The following OPCML variants were observed in gnomAD, a reference collection of about 807,000 sequenced individuals.
The protein encoded by OPCML is opioid binding protein/cell adhesion molecule like, also known as opioid-binding protein/cell adhesion molecule.
Under a neutral mutation model 37.8 loss-of-function variants are expected in OPCML, and 13 were observed. The ratio of observed to expected loss-of-function variants is 0.34; its 90% CI spans 0.22 to 0.55. OPCML has a LOEUF of 0.55. Among genes scored for constraint, OPCML ranks in the 20% least tolerant of loss-of-function variants. The pLI is 0.91. For synonymous variants in OPCML, 176 were observed against 168.8 expected (o/e 1.04, Z -0.33); for missense variants, 341 against 435.6 (o/e 0.78, Z 1.93).
intron 1 of OPCML, among the ~76,000 whole-genome samples, chr11:133,107,172 C>G (rs1949172605): frequency 6.6e-6 from 1 of 152,188 alleles, no homozygotes; most frequent in African/African-American, 2.4e-5. Flanking sequence ...GTGGGCCCTT[C>G]TGTAGTGTCA....
intron 1 of OPCML, among the ~76,000 whole-genome samples, chr11:133,467,570 G>T (rs1947004685): frequency 6.6e-6 from 1 of 152,064 alleles, no homozygotes; most frequent in Admixed American, 6.5e-5. Context: ...AATAAAGAAG[G>T]ATGGCCAGAG....
intron 1 of OPCML, among the ~76,000 whole-genome samples, chr11:133,383,412 T>C (rs1944973522): frequency 6.6e-6 from 1 of 152,102 alleles, no homozygotes. Flanking sequence ...AGCTGGTGAG[T>C]GTCTGAGTGA....
chr11:133,452,167 C>A (rs1445409406), intron 1 of OPCML, among the ~76,000 whole-genome samples: 2 of 151,250 alleles, frequency 1.3e-5, no homozygotes, highest in Non-Finnish European at 1.5e-5. Flanking sequence ...GAAGACCAAC[C>A]CCAAGACAAC....
chr11:132,915,553 T>A (rs1565960755), intron 2 of OPCML, among the ~76,000 whole-genome samples: 1 of 152,196 alleles, frequency 6.6e-6, no homozygotes, highest in Non-Finnish European at 1.5e-5. Flanking sequence ...AATCTCTAAT[T>A]TGTATAGATA....
intron 3 of OPCML, among the ~76,000 whole-genome samples, chr11:132,550,376 G>A (rs1489982412): frequency 1.3e-5 from 2 of 152,116 alleles, no homozygotes; most frequent in African/African-American, 4.8e-5. Flanking sequence ...TCATGATAGT[G>A]AGTGAGTTCT....
In OPCML at chr11:132,787,072, A is replaced by T. The variant is rs115736805; in HGVS notation, c.147-129753T>A. 3.3e-3 allele frequency among the ~76,000 whole-genome samples: 497 copies of T among 152,224 alleles called. 5 individuals carry two copies. The highest frequency in any genetic ancestry group is 0.011 in the African/African-American group (439 of 41,528). ...CTATAGGTCTAGGGTAAGGCCTGGG[A>T]ATTTGCGTTTCCAACAAGTTTTCAT... On this transcript the variant is annotated intron_variant, in intron 2 of 7. Coordinates refer to ENST00000524381, the MANE Select transcript of OPCML (RefSeq NM_001012393.5).
chr11:132,529,552 G>A (rs536706174), intron 3 of OPCML, among the ~76,000 whole-genome samples: 2 of 152,304 alleles, frequency 1.3e-5, no homozygotes, highest in African/African-American at 2.4e-5. Context: ...AGTGGCATAA[G>A]CTGATAACCA....
intron 2 of OPCML, among the ~76,000 whole-genome samples, chr11:132,748,415 C>T (rs149743582): frequency 1.4e-4 from 21 of 152,280 alleles, no homozygotes; most frequent in Non-Finnish European, 2.8e-4. Context: ...CAAAAGAGTG[C>T]CCAGCATCAT....
chr11:132,605,195 G>C (rs920358370), intron 3 of OPCML, among the ~76,000 whole-genome samples: 1 of 152,136 alleles, frequency 6.6e-6, no homozygotes, highest in Non-Finnish European at 1.5e-5. Context: ...TAGAGATAAT[G>C]CATGCAAATG....
chr11:132,965,173 T>A (rs1021152815), intron 1 of OPCML, among the ~76,000 whole-genome samples: 1 of 152,222 alleles, frequency 6.6e-6, no homozygotes, highest in Admixed American at 6.5e-5. Context: ...GGAAGTTTAT[T>A]CGTCCTCGCC....
chr11:133,117,660 A>G (rs1949357349), intron 1 of OPCML: 1 of 383,614 alleles, frequency 2.6e-6, no homozygotes, highest in Non-Finnish European at 3.6e-6. Flanking sequence ...AGATAATTTC[A>G]CTTGCCCTTG....
At chr11:132,739,018 C>T (rs1407526190) in intron 2 of OPCML, among the ~76,000 whole-genome samples, 2 of 151,864 alleles carry the variant, frequency 1.3e-5, no homozygotes, top group South Asian at 2.1e-4. Flanking sequence ...AGCACGTTTG[C>T]GTAAAAGCAG....
chr11:132,559,722 G>A (rs2096406312), intron 3 of OPCML, among the ~76,000 whole-genome samples: 1 of 152,102 alleles, frequency 6.6e-6, no homozygotes, highest in Non-Finnish European at 1.5e-5. Context: ...ATTTCAAGAA[G>A]ATAAGACGAA....
At chr11:132,899,584 G>A (rs1012016232) in intron 2 of OPCML, among the ~76,000 whole-genome samples, 2 of 152,134 alleles carry the variant, frequency 1.3e-5, no homozygotes, top group Admixed American at 6.5e-5. Flanking sequence ...ATGCAAACAG[G>A]TGCCAAGTTG....
rs557265023 is a variant in OPCML at position 133,444,413 on chromosome 11, A to G, written c.61+87851T>C. 5.3e-5 allele frequency among the ~76,000 whole-genome samples: 8 copies of G among 152,368 alleles called. No homozygotes were observed. The South Asian group carries it at 1.2e-3, about 24-fold the overall frequency. Reference sequence around the variant, plus strand: ...AAGATATATTTAACTTATTAATGAAAGAATCAAAAGAAGAGTAAAGCTAGT... The same window carrying G: ...AAGATATATTTAACTTATTAATGAAGGAATCAAAAGAAGAGTAAAGCTAGT... On this transcript the variant is annotated intron_variant, in intron 1 of 7. Coordinates refer to ENST00000524381, the MANE Select transcript of OPCML (RefSeq NM_001012393.5).
intron 1 of OPCML, chr11:133,025,337 TTATTAAGTTTTCGATTA>T (rs1947531320): frequency 1.0e-6 from 1 of 985,290 alleles, no homozygotes; most frequent in African/African-American, 1.7e-5. Context: ...ATTATGGCTG[TTATTAAGTTTTCGATTA>T]TATAACTTGT....
intron 1 of OPCML, among the ~76,000 whole-genome samples, chr11:133,058,696 C>G (rs1363184214): frequency 6.6e-6 from 1 of 152,238 alleles, no homozygotes; most frequent in Admixed American, 6.5e-5. Flanking sequence ...TTCGCTTCTC[C>G]TCTGTGCTTC....
intron 1 of OPCML, among the ~76,000 whole-genome samples, chr11:133,201,989 G>T (rs1263239965): frequency 6.6e-6 from 1 of 152,120 alleles, no homozygotes; most frequent in Non-Finnish European, 1.5e-5. Context: ...ACCAAACAAA[G>T]CCTCCAAGCC....
chr11:132,853,308 T>C (rs1941899330), intron 2 of OPCML, among the ~76,000 whole-genome samples: 1 of 152,206 alleles, frequency 6.6e-6, no homozygotes, highest in African/African-American at 2.4e-5. Context: ...TATTAATAAG[T>C]TTTATTTTTA....
Sources: allele counts gnomAD v4.1 joint callset (sites outside exome capture counted in the v4.1 genomes callset), GRCh38; gene constraint gnomAD v4.1.1; transcripts MANE v1.5; gene names NCBI Gene and HGNC (gene_info 2026-07-23, HGNC 2026-07-21).